TUFT1: variants seen among roughly 807,000 people sequenced by gnomAD.
The protein encoded by TUFT1 is tuftelin 1.
In TUFT1, 43 loss-of-function variants were observed where a neutral mutation model predicts 57.8. The observed-to-expected ratio is 0.74, with a 90% CI of 0.58 to 0.96. The LOEUF (loss-of-function observed/expected upper bound fraction) is 0.96. Among genes scored for constraint, TUFT1 ranks in the 40% least tolerant of loss-of-function variants. The pLI is 0.00. For missense variants in TUFT1, 459 were observed against 489.0 expected (o/e 0.94, Z 0.58); for synonymous variants, 166 against 176.7 (o/e 0.94, Z 0.48).
chr1:151,541,925 A>AC (rs746258430), intron 1 of TUFT1, among the ~76,000 whole-genome samples: 13 of 152,170 alleles, frequency 8.5e-5, no homozygotes, highest in African/African-American at 1.2e-4. Flanking sequence ...ATCATAGCAC[A>AC]CCACAGCCTT....
intron 1 of TUFT1, among the ~76,000 whole-genome samples, chr1:151,558,281 TCTTTCAG>T (rs2102531696): frequency 6.6e-6 from 1 of 152,100 alleles, no homozygotes; most frequent in African/African-American, 2.4e-5. Context: ...ACCGTTCTTC[TCTTTCAG>T]CATTTGAAAA....
chr1:151,567,001 C>G (rs1350727045), intron 6 of TUFT1, among the ~76,000 whole-genome samples: 4 of 151,396 alleles, frequency 2.6e-5, no homozygotes, highest in African/African-American at 4.9e-5. Flanking sequence ...TCACTGCAGC[C>G]TCGACCCCCG....
At chr1:151,543,806 C>G (rs773235361) in intron 1 of TUFT1, among the ~76,000 whole-genome samples, 18 of 152,086 alleles carry the variant, frequency 1.2e-4, no homozygotes, top group Admixed American at 2.0e-4. Flanking sequence ...TAGGCCCCCC[C>G]CAGATTACAG....
intron 1 of TUFT1, among the ~76,000 whole-genome samples, chr1:151,559,773 A>C (rs1364643176): frequency 6.6e-6 from 1 of 152,064 alleles, no homozygotes; most frequent in East Asian, 1.9e-4. Flanking sequence ...TGTGGCAGAG[A>C]GTAACCTCCA....
chr1:151,580,918 C>T lies in TUFT1; in HGVS notation c.1009-24C>T, dbSNP rs200284162. On this transcript the variant is annotated intron_variant, in intron 11 of 12. Transcript: ENST00000368849. ...CCGGGAAGCCAGAAAAAGGCCAACT[C>T]TAACCCCTAAGCTTGTGTTACAGAA... 3.0e-4 allele frequency: 488 copies of T among 1,611,810 alleles called. 3 individuals are homozygous for T. Among genetic ancestry groups the T allele is most frequent in the Middle Eastern group, 6.6e-4 (4 of 6,058 alleles).
At position 151,581,763 on chromosome 1, in the gene TUFT1, T is replaced by C; in HGVS notation, c.*56T>C. The C allele has an allele frequency of 1.9e-6, 3 of 1,570,102 alleles. No individual in the cohort carries two copies. Among genetic ancestry groups the C allele is most frequent in the African/African-American group, 2.7e-5 (2 of 74,150 alleles). On this transcript the variant is annotated 3_prime_UTR_variant, in exon 13 of 13. Coordinates refer to ENST00000368849, the MANE Select transcript of TUFT1 (RefSeq NM_020127.3). Reference sequence around the variant, plus strand: ...CTGCCTCTGCCTCGGAGAAGCCCACTGCCCCTGTTGGCTGTTAACACTGCC... The same window carrying C: ...CTGCCTCTGCCTCGGAGAAGCCCACCGCCCCTGTTGGCTGTTAACACTGCC...
In TUFT1 at chr1:151,569,986, C is replaced by T. The variant is rs552279520; in HGVS notation, c.594+216C>T. 1.5e-4 allele frequency among the ~76,000 whole-genome samples: 23 copies of T among 152,300 alleles called. 1 individual carries two copies. Among genetic ancestry groups the T allele is most frequent in the Non-Finnish European group, 2.5e-4 (17 of 68,022 alleles). On this transcript the variant is annotated intron_variant, in intron 7 of 12. Transcript: ENST00000368849. ...CCAGCCCATAGTTCAAAGGTCAGCT[C>T]GGGATTCTCTGCTCTGATGAGTTTG...
chr1:151,562,686 G>A lies in TUFT1; in HGVS notation c.237G>A (p.Lys79=). 6.2e-7 allele frequency: 1 copy of A among 1,612,784 alleles called. No individual in the cohort carries two copies. Among genetic ancestry groups the A allele is most frequent in the Non-Finnish European group, 8.5e-7 (1 of 1,179,438 alleles). ...ATGATGGACATGAGGAGATCATTAAGGTAAGCTTAGTTCACCTCCAACTTT... is the reference window on the plus strand; with the variant it reads ...ATGATGGACATGAGGAGATCATTAAAGTAAGCTTAGTTCACCTCCAACTTT... ...ESHDGHEEII[K]VYLKGRSGDK... Residue 79 remains lysine, a splice_region_variant and synonymous_variant, in exon 3 of 13, where the codon AAG becomes AAA. Transcript: ENST00000368849.
At chr1:151,564,119 A>G (rs146322229) in intron 4 of TUFT1, 129 bp downstream of exon 4, 144 of 697,720 alleles carry the variant, frequency 2.1e-4, no homozygotes, top group Non-Finnish European at 3.1e-4. Context: ...AAATGCCACC[A>G]TGCCCTCCCG....
intron 1 of TUFT1, chr1:151,540,698 C>A (rs566539975): frequency 1.2e-5 from 5 of 420,228 alleles, no homozygotes; most frequent in East Asian, 9.9e-5. Context: ...CCGGCGAGCC[C>A]GTGCTTGGGC....
At chr1:151,578,437 G>C (rs913887566) in intron 9 of TUFT1, among the ~76,000 whole-genome samples, 7 of 152,110 alleles carry the variant, frequency 4.6e-5, no homozygotes, top group African/African-American at 1.7e-4. Context: ...AGCCTCCTGA[G>C]TAGCTGGGAC....
At chr1:151,556,724 C>G (rs1448551185) in intron 1 of TUFT1, among the ~76,000 whole-genome samples, 1 of 152,128 alleles carries the variant, frequency 6.6e-6, no homozygotes, top group Non-Finnish European at 1.5e-5. Context: ...AATCCCAGCA[C>G]TTTGGGAGAC....
chr1:151,557,734 G>T, intron 1 of TUFT1: 1 of 785,214 alleles, frequency 1.3e-6, no homozygotes, highest in African/African-American at 1.7e-5. Flanking sequence ...TGCTGCAGCC[G>T]TCCAGAGACT....
chr1:151,568,324 C>T (rs1558011247), intron 6 of TUFT1, among the ~76,000 whole-genome samples: 1 of 152,134 alleles, frequency 6.6e-6, no homozygotes. Flanking sequence ...GTTCAGTATA[C>T]ATGATGAACT....
At chr1:151,566,266 C>G in intron 6 of TUFT1, 38 bp downstream of exon 6, 1 of 1,574,300 alleles carries the variant, frequency 6.4e-7, no homozygotes, top group Middle Eastern at 1.7e-4. Flanking sequence ...TCCGCTTAGC[C>G]AGGGGCAGGA....
intron 1 of TUFT1, chr1:151,540,772 G>A (rs1348090611): frequency 7.7e-6 from 2 of 258,536 alleles, no homozygotes; most frequent in East Asian, 1.9e-4. Flanking sequence ...TCAAGCGACT[G>A]GGTCCCTGAG....
intron 1 of TUFT1, among the ~76,000 whole-genome samples, chr1:151,556,102 G>A (rs1467573304): frequency 6.6e-6 from 1 of 152,124 alleles, no homozygotes; most frequent in East Asian, 1.9e-4. Flanking sequence ...AAATTATAGA[G>A]CATGTAAACT....
chr1:151,574,233 T>G, intron 7 of TUFT1, 37 bp from the exon 8 acceptor site: 1 of 1,583,768 alleles, frequency 6.3e-7, no homozygotes, highest in African/African-American at 1.4e-5. Context: ...TGCTCTTTTT[T>G]CCACACCATT....
chr1:151,549,849 G>T (rs1340202300), intron 1 of TUFT1, among the ~76,000 whole-genome samples: 3 of 152,162 alleles, frequency 2.0e-5, no homozygotes, highest in Non-Finnish European at 4.4e-5. Context: ...AGCTTCCCTA[G>T]TAGCTGGGAC....
Sources: allele counts gnomAD v4.1 joint callset (sites outside exome capture counted in the v4.1 genomes callset), GRCh38; gene constraint gnomAD v4.1.1; transcripts MANE v1.5; gene names NCBI Gene and HGNC (gene_info 2026-07-23, HGNC 2026-07-21).